The following HDX variants were observed in gnomAD, a reference collection of about 807,000 sequenced individuals.
The protein encoded by HDX is chromosome X open reading frame 43.
In HDX, 19 loss-of-function variants were observed where a neutral mutation model predicts 45.2. The ratio of observed to expected loss-of-function variants is 0.42; its 90% confidence interval spans 0.29 to 0.62. The LOEUF (loss-of-function observed/expected upper bound fraction) is 0.62, where lower values mean the gene tolerates loss of function less well. HDX is among the 20% of genes least tolerant of loss of function. HDX has a pLI of 0.20. For synonymous variants in HDX, 188 were observed against 172.8 expected (o/e 1.09, Z -0.69); for missense variants, 532 against 493.9 (o/e 1.08, Z -0.73).
chrX:84,455,365 A>G (rs1183403677), intron 4 of HDX, among the ~76,000 whole-genome samples: 1 of 112,236 alleles, frequency 8.9e-6, no homozygotes, highest in Non-Finnish European at 1.9e-5. Flanking sequence ...AGATTTAACA[A>G]AGAGACTGAA....
chrX:84,384,343 C>G (rs2038257276), intron 5 of HDX, among the ~76,000 whole-genome samples: 1 of 109,794 alleles, frequency 9.1e-6, no homozygotes, highest in African/African-American at 3.3e-5. Context: ...TTATATGCCT[C>G]CTTTTCGTGT....
intron 5 of HDX, among the ~76,000 whole-genome samples, chrX:84,409,993 C>T (rs145535567): frequency 0.12 from 11,732 of 101,087 alleles, 616 homozygotes; most frequent in South Asian, 0.29. Flanking sequence ...GCAGAGGTTG[C>T]GGTGAGCCAA....
Position 84,470,844 on chromosome X carries a change from A to G in HDX, c.148-1269T>C, listed in dbSNP as rs1238855014. ...AATGCATACCATATTATAAACACCA[A>G]AGCACATTAATCTATTAAGAATTAA... On this transcript the variant is annotated intron_variant, in intron 3 of 10. Transcript: ENST00000373177. Among the ~76,000 whole-genome samples, 32 of 111,380 alleles carry G rather than the reference A, an allele frequency of 2.9e-4. No homozygotes were observed. The Admixed American group carries it at 3.1e-3, about 11-fold the overall frequency.
intron 5 of HDX, among the ~76,000 whole-genome samples, chrX:84,435,232 T>C (rs1262200536): frequency 9.0e-6 from 1 of 111,504 alleles, no homozygotes; most frequent in East Asian, 2.8e-4. Context: ...TTCTACTTAC[T>C]TAAGAAAAAT....
intron 5 of HDX, among the ~76,000 whole-genome samples, chrX:84,373,708 A>G (rs1017269912): frequency 7.2e-5 from 8 of 110,725 alleles, no homozygotes; most frequent in African/African-American, 2.6e-4. Context: ...AAATTCAACA[A>G]CTCTTCATGC....
At chrX:84,474,385 T>C (rs945542221) in intron 3 of HDX, among the ~76,000 whole-genome samples, 6 of 112,722 alleles carry the variant, frequency 5.3e-5, no homozygotes, top group Admixed American at 3.7e-4. Context: ...AATAAATCTT[T>C]TAGTCTTTAA....
At chrX:84,468,417 T>A in intron 4 of HDX, 55 bp downstream of exon 4, 1 of 799,013 alleles carries the variant, frequency 1.3e-6, no homozygotes, top group Non-Finnish European at 1.7e-6. Context: ...GTCCCAAATC[T>A]AACTGGATAC....
intron 5 of HDX, among the ~76,000 whole-genome samples, chrX:84,394,104 C>T (rs1290295200): frequency 9.1e-6 from 1 of 110,392 alleles, no homozygotes; most frequent in Non-Finnish European, 1.9e-5. Flanking sequence ...ATTTGAAATA[C>T]TTCTGCCTTT....
At chrX:84,428,354 A>G (rs894523209) in intron 5 of HDX, among the ~76,000 whole-genome samples, 28 of 111,193 alleles carry the variant, frequency 2.5e-4, no homozygotes, top group Middle Eastern at 9.2e-3. Flanking sequence ...TTGTGCAAAC[A>G]TCACATGTAA....
At chrX:84,395,762 C>CT (rs1253949129) in intron 5 of HDX, among the ~76,000 whole-genome samples, 2 of 111,565 alleles carry the variant, frequency 1.8e-5, no homozygotes, top group East Asian at 5.6e-4. Context: ...CTTTGTTCAT[C>CT]TTTTTTAATT....
chrX:84,470,175 C>T (rs748534853), intron 3 of HDX, among the ~76,000 whole-genome samples: 74 of 110,525 alleles, frequency 6.7e-4, no homozygotes, highest in Non-Finnish European at 1.2e-3. Context: ...TGCCATATAC[C>T]TCATCGTAGA....
At chrX:84,349,704 GCA>G (rs1196277746) in intron 6 of HDX, among the ~76,000 whole-genome samples, 9 of 92,754 alleles carry the variant, frequency 9.7e-5, no homozygotes, top group South Asian at 5.1e-4. Flanking sequence ...GTGTGTGTGT[GCA>G]CACACACCAT....
intron 9 of HDX, among the ~76,000 whole-genome samples, chrX:84,332,661 A>T (rs1354295527): frequency 9.0e-6 from 1 of 111,475 alleles, no homozygotes; most frequent in Non-Finnish European, 1.9e-5. Flanking sequence ...ATGCAGAGAC[A>T]TTGAAATCCT....
At position 84,349,403 on chromosome X, in the gene HDX, ATGTGTGTGTGTGTG is replaced by A. The variant is rs58864600; in HGVS notation, c.1453-4960_1453-4947del. Among the ~76,000 whole-genome samples, 266 of 68,487 alleles carry A rather than the reference ATGTGTGTGTGTGTG, an allele frequency of 3.9e-3. 1 individual carries two copies. The highest frequency in any genetic ancestry group is 8.1e-3 in the African/African-American group (134 of 16,567). 59.5% of individuals were successfully genotyped at this position (68,487 alleles called of 115,157 possible). ...ACTTATTTAAAAATTATATATATATATGTGTGTGTGTGTGTGTGTGTGTGTGTGTGTGTGTGTGT... is the reference window on the plus strand; with the variant it reads ...ACTTATTTAAAAATTATATATATATATGTGTGTGTGTGTGTGTGTGTGTGT... On this transcript the variant is annotated intron_variant, in intron 6 of 10. Coordinates refer to ENST00000373177, the MANE Select transcript of HDX (RefSeq NM_001177479.2).
chrX:84,431,654 T>C (rs2039508620), intron 5 of HDX, among the ~76,000 whole-genome samples: 1 of 111,830 alleles, frequency 8.9e-6, no homozygotes, highest in African/African-American at 3.2e-5. Context: ...AAAGTGACTG[T>C]TCATGTTCTT....
At chrX:84,471,410 C>T (rs1010690945) in intron 3 of HDX, among the ~76,000 whole-genome samples, 39 of 105,855 alleles carry the variant, frequency 3.7e-4, no homozygotes, top group African/African-American at 1.2e-3. Flanking sequence ...ATAGATCTAT[C>T]GATATAGAGT....
At chrX:84,465,814 T>TATA (rs1237728188) in intron 4 of HDX, among the ~76,000 whole-genome samples, 5 of 111,267 alleles carry the variant, frequency 4.5e-5, no homozygotes, top group Admixed American at 3.8e-4. Context: ...GAACTTAAAG[T>TATA]ATAATAATAA....
At chrX:84,450,003 T>G (rs1004865730) in intron 4 of HDX, among the ~76,000 whole-genome samples, 2 of 110,285 alleles carry the variant, frequency 1.8e-5, no homozygotes, top group Admixed American at 1.9e-4. Context: ...ATACCTAATG[T>G]TAAATGATGA....
chrX:84,347,389 T>C (rs909081236), intron 6 of HDX, among the ~76,000 whole-genome samples: 1 of 110,740 alleles, frequency 9.0e-6, no homozygotes, highest in Non-Finnish European at 1.9e-5. Flanking sequence ...AAGGTGGGAG[T>C]TTAGATTATT....
Sources: gnomAD v4.1 joint callset for allele counts (sites outside exome capture counted in the v4.1 genomes callset) on GRCh38, gnomAD v4.1.1 for gene constraint, MANE v1.5 for transcripts, NCBI Gene and HGNC (gene_info 2026-07-23, HGNC 2026-07-21) for gene names.